Variants in VSX2 observed in about 807,000 individuals in gnomAD.
VSX2 encodes visual system homeobox 2, also known as ceh-10 homeo domain containing homolog.
In VSX2, 28 loss-of-function variants were observed where a neutral mutation model predicts 32.1. That is an observed-to-expected ratio of 0.87 (90% CI 0.65 to 1.20). The LOEUF is 1.20. Among genes scored for constraint, VSX2 ranks in the 50% most tolerant of loss-of-function variants. The probability of loss-of-function intolerance (pLI) is 0.00; values close to 1 mark genes in which losing one functional copy is unlikely to be tolerated. For synonymous variants in VSX2, 243 were observed against 214.1 expected, an observed-to-expected ratio of 1.14 and a Z score of -1.18; for missense variants, 506 against 488.7, an observed-to-expected ratio of 1.04 and a Z score of -0.33.
chr14:74,256,907 C>T lies in VSX2; in HGVS notation c.580-2695C>T, dbSNP rs1205345321. On this transcript the variant is annotated intron_variant, in intron 3 of 4. Transcript: ENST00000261980. ...CAGGCTGGTCTCAAACTCCTGACCT[C>T]AGGTGATCCACCCGCCTCGGCCTCC... is the stretch of plus-strand genomic sequence containing the variant. 3.9e-5 allele frequency among the ~76,000 whole-genome samples: 6 copies of T among 151,992 alleles called. No individual in the cohort carries two copies. The East Asian group carries it at 1.2e-3, about 29-fold the overall frequency.
chr14:74,251,122 C>A (rs979173026), intron 3 of VSX2, among the ~76,000 whole-genome samples: 2 of 151,818 alleles, frequency 1.3e-5, no homozygotes, highest in African/African-American at 4.8e-5. Context: ...CGAGACCAGC[C>A]CGACCAACAT....
chr14:74,259,498 G>C (rs548117851), intron 3 of VSX2, 104 bp from the exon 4 acceptor site: 1 of 1,452,594 alleles, frequency 6.9e-7, no homozygotes, highest in Non-Finnish European at 9.6e-7. Flanking sequence ...CTTAGGTTAA[G>C]GACGCCCTGC....
chr14:74,248,181 TGCAGGTGAGACGA>T (rs1305927479), intron 3 of VSX2, among the ~76,000 whole-genome samples: 3 of 151,960 alleles, frequency 2.0e-5, no homozygotes, highest in Non-Finnish European at 4.4e-5. Flanking sequence ...CAGAGGACTC[TGCAGGTGAGACGA>T]GCAGGAAAGG....
intron 3 of VSX2, among the ~76,000 whole-genome samples, chr14:74,248,704 C>CCA (rs1555388024): frequency 1.4e-5 from 2 of 145,526 alleles, no homozygotes; most frequent in Non-Finnish European, 3.0e-5. Flanking sequence ...AACAAACGAA[C>CCA]AAAAAAAAAA....
intron 3 of VSX2, among the ~76,000 whole-genome samples, chr14:74,249,409 T>G (rs2079215437): frequency 6.6e-6 from 1 of 152,136 alleles, no homozygotes; most frequent in Non-Finnish European, 1.5e-5. Flanking sequence ...TAGCTGGGAC[T>G]ACAGGTGCCC....
At chr14:74,241,152 C>G (rs1225701489) in intron 1 of VSX2, 30 bp from the exon 2 acceptor site, 2 of 1,609,776 alleles carry the variant, frequency 1.2e-6, no homozygotes, top group East Asian at 4.5e-5. Context: ...GTCCCCCACT[C>G]TGCCGCATGT....
At chr14:74,257,963 CGGA>C (rs1470120348) in intron 3 of VSX2, among the ~76,000 whole-genome samples, 1 of 152,096 alleles carries the variant, frequency 6.6e-6, no homozygotes, top group Admixed American at 6.5e-5. Flanking sequence ...GCAATCAAGT[CGGA>C]GGAGATTGCA....
Position 74,240,438 on chromosome 14 carries a change from C to A in VSX2, c.370+507C>A, listed in dbSNP as rs569364558. Among the ~76,000 whole-genome samples the A allele has an allele frequency of 5.3e-5, 8 of 152,280 alleles. No homozygotes were observed. The South Asian group carries it at 1.7e-3, about 32-fold the overall frequency. On this transcript the variant is annotated intron_variant, in intron 1 of 4. Transcript: ENST00000261980. The stretch of plus-strand genomic sequence containing the variant: ...TTTTCACCCCCACGAGCTCAGACAA[C>A]CCGGCCATCGCGGCAGCTAAAGCGG...
chr14:74,240,001 T>C, intron 1 of VSX2, 70 bp downstream of exon 1: 2 of 1,528,678 alleles, frequency 1.3e-6, no homozygotes, highest in Non-Finnish European at 1.8e-6. Context: ...CCGTCGGCTC[T>C]CGCTTGCTGG....
rs186124969 is a variant in VSX2 at position 74,244,342 on chromosome 14, T to G, written c.456-823T>G. 2.0e-4 allele frequency among the ~76,000 whole-genome samples: 31 copies of G among 151,990 alleles called. No homozygotes were observed. The East Asian group carries it at 6.0e-3, about 30-fold the overall frequency. ...AGGTGAGTGGCTGAGCTTGCAAGTA[T>G]GGGATGGTTGGAAGGTGGCCCTTCC... On this transcript the variant is annotated intron_variant, in intron 2 of 4. Transcript: ENST00000261980.
At chr14:74,257,627 C>T (rs1811652929) in intron 3 of VSX2, among the ~76,000 whole-genome samples, 1 of 152,030 alleles carries the variant, frequency 6.6e-6, no homozygotes, top group Non-Finnish European at 1.5e-5. Context: ...TGGCCGGCCG[C>T]GCTCCGCCGC....
In VSX2 at chr14:74,239,732, C is replaced by T. The variant is rs201395979; in HGVS notation, c.171C>T (p.Ala57=). The change falls in exon 1 of 5, where the codon GCC becomes GCT. Residue 57 remains alanine (A), a synonymous_variant. Coordinates refer to ENST00000261980, the MANE Select transcript of VSX2 (RefSeq NM_182894.3). ...CGCGGGCAGCGCTCGACGGCCTGGCCCCCGGGCACTTGCTGGCGGCGCGCT... is the reference window on the plus strand; with the variant it reads ...CGCGGGCAGCGCTCGACGGCCTGGCTCCCGGGCACTTGCTGGCGGCGCGCT... The part of the protein sequence containing the change: ...SHPRAALDGL[A]PGHLLAARSV... The T allele has an allele frequency of 4.5e-6, 7 of 1,548,952 alleles. No individual in the cohort carries two copies. Among genetic ancestry groups the T allele is most frequent in the South Asian group, 2.4e-5 (2 of 84,034 alleles).
chr14:74,253,908 C>A (rs190187732), intron 3 of VSX2, among the ~76,000 whole-genome samples: 19 of 151,962 alleles, frequency 1.3e-4, no homozygotes, highest in African/African-American at 4.3e-4. Context: ...CCAGCCTGGG[C>A]AACAAGAGCG....
In VSX2 at chr14:74,239,713, C is replaced by T. The variant is rs1426979357; in HGVS notation, c.152C>T (p.Ala51Val). 1.9e-6 allele frequency: 3 copies of T among 1,549,434 alleles called. No individual in the cohort carries two copies. Among genetic ancestry groups the T allele is most frequent in the Non-Finnish European group, 2.6e-6 (3 of 1,146,698 alleles). Residue 51 changes from alanine (A) to valine (V), a missense_variant, in exon 1 of 5, where the codon GCA becomes GTA. Transcript: ENST00000261980. ...GAGCCCCCGAGCTCCCACCCGCGGG[C>T]AGCGCTCGACGGCCTGGCCCCCGGG... is the stretch of plus-strand genomic sequence containing the variant. ...NKEPPSSHPR[A>V]ALDGLAPGHL...
Position 74,262,528 on chromosome 14 carries a change from G to A in VSX2, c.*1609G>A, listed in dbSNP as rs2079315603. ...CATTTATGGAACTTCCCTCCCCCTA[G>A]TCCGGTTCTTCTTGTCTTTGTCCCT... On this transcript the variant is annotated 3_prime_UTR_variant, in exon 5 of 5. Coordinates refer to ENST00000261980, the MANE Select transcript of VSX2 (RefSeq NM_182894.3). The A allele has an allele frequency of 6.6e-6, 1 of 152,128 alleles. No individual in the cohort carries two copies. The highest frequency in any genetic ancestry group is 2.1e-4 in the South Asian group (1 of 4,824). The allele number at this position is 152,128 out of a possible 1,614,324, so 9.4% of individuals were successfully genotyped here.
At chr14:74,241,624 G>T (rs1199242875) in intron 2 of VSX2, among the ~76,000 whole-genome samples, 2 of 152,186 alleles carry the variant, frequency 1.3e-5, no homozygotes, top group Non-Finnish European at 2.9e-5. Flanking sequence ...GGGCAGATTA[G>T]CTCCCACCTC....
At chr14:74,243,754 T>C (rs2079166946) in intron 2 of VSX2, among the ~76,000 whole-genome samples, 1 of 150,986 alleles carries the variant, frequency 6.6e-6, no homozygotes. Flanking sequence ...AACCAGTCAT[T>C]TTCTGCAAAG....
intron 2 of VSX2, 118 bp downstream of exon 2, chr14:74,241,384 G>C: frequency 8.0e-6 from 9 of 1,126,190 alleles, no homozygotes; most frequent in Non-Finnish European, 1.2e-5. Flanking sequence ...GTCCGAGGCC[G>C]TGCCAGGGCG....
At chr14:74,250,597 A>G (rs1489172505) in intron 3 of VSX2, among the ~76,000 whole-genome samples, 2 of 152,176 alleles carry the variant, frequency 1.3e-5, no homozygotes, top group East Asian at 1.9e-4. Context: ...AGGGTAGGGA[A>G]CAAAGTATTA....
Sources: gnomAD v4.1 joint callset for allele counts (sites outside exome capture counted in the v4.1 genomes callset) on GRCh38, gnomAD v4.1.1 for gene constraint, MANE v1.5 for transcripts, NCBI Gene and HGNC (gene_info 2026-07-23, HGNC 2026-07-21) for gene names.